Variants in RTL4 observed in about 807,000 individuals in gnomAD.
RTL4 encodes the protein retrotransposon Gag-like protein 4.
A neutral mutation model predicts 5.3 loss-of-function variants in RTL4; 4 were observed. The observed-to-expected ratio is 0.75, with a 90% confidence interval of 0.37 to 1.72. RTL4 has a LOEUF of 1.72. Among genes scored for constraint, RTL4 ranks in the 40% most tolerant of loss-of-function variants. The probability of loss-of-function intolerance (pLI) is 0.04; values close to 1 mark genes in which losing one functional copy is unlikely to be tolerated. For synonymous variants in RTL4, 98 were observed against 87.3 expected, an observed-to-expected ratio of 1.12 and a Z score of -0.68; for missense variants, 260 against 227.1, an observed-to-expected ratio of 1.14 and a Z score of -0.93.
the RTL4 span, among the ~76,000 whole-genome samples, chrX:112,216,253 G>A: frequency 9.0e-6 from 1 of 111,474 alleles, no homozygotes; most frequent in African/African-American, 3.3e-5. Flanking sequence ...AGAGCTGAGT[G>A]GAAGTTTGAA....
chrX:112,349,230 A>G, the RTL4 span, among the ~76,000 whole-genome samples: 1 of 111,683 alleles, frequency 9.0e-6, no homozygotes, highest in Non-Finnish European at 1.9e-5. Context: ...TCTCCTCCCT[A>G]CAGAATGAGT....
chrX:112,169,056 CTTTCTTTCTTTCTTTTTTCTTTCTTTCT>C, the RTL4 span, among the ~76,000 whole-genome samples: 1 of 27,161 alleles, frequency 3.7e-5, no homozygotes, highest in African/African-American at 1.1e-4. Flanking sequence ...TTCTTTCTTT[CTTTCTTTCTTTCTTTTTTCTTTCTTTCT>C]TTTCTTTCTT....
chrX:112,140,676 C>T, the RTL4 span, among the ~76,000 whole-genome samples: 1 of 111,287 alleles, frequency 9.0e-6, no homozygotes, highest in East Asian at 2.8e-4. Flanking sequence ...CATGAACTAA[C>T]CAAGTCCTAA....
chrX:112,449,033 T>C, the RTL4 span, among the ~76,000 whole-genome samples: 1 of 111,961 alleles, frequency 8.9e-6, no homozygotes, highest in East Asian at 2.8e-4. Flanking sequence ...ATGACACTTT[T>C]AACTTCATAA....
chrX:112,371,154 G>A, the RTL4 span, among the ~76,000 whole-genome samples: 1 of 110,994 alleles, frequency 9.0e-6, no homozygotes, highest in Admixed American at 9.6e-5. Flanking sequence ...ACATGAAGAT[G>A]TTTCAAGGGA....
chrX:112,396,969 C>A, the RTL4 span, among the ~76,000 whole-genome samples: 1 of 111,647 alleles, frequency 9.0e-6, no homozygotes, highest in Non-Finnish European at 1.9e-5. Context: ...AGGAATATCA[C>A]AGAGGTAAAT....
the RTL4 span, among the ~76,000 whole-genome samples, chrX:112,426,134 T>C: frequency 9.0e-6 from 1 of 111,691 alleles, no homozygotes; most frequent in Non-Finnish European, 1.9e-5. Context: ...TTTAGATTCA[T>C]GATTTTTGCA....
the RTL4 span, among the ~76,000 whole-genome samples, chrX:112,099,874 C>T: frequency 4.5e-5 from 5 of 110,810 alleles, no homozygotes; most frequent in South Asian, 3.8e-4. Flanking sequence ...AGAAAATTTG[C>T]GATACATATT....
At chrX:112,444,193 G>C in the RTL4 span, among the ~76,000 whole-genome samples, 1 of 101,365 alleles carries the variant, frequency 9.9e-6, no homozygotes, top group African/African-American at 3.7e-5. Context: ...ATTTATTTAA[G>C]AGACTATTTT....
the RTL4 span, among the ~76,000 whole-genome samples, chrX:112,267,453 G>A: frequency 8.9e-6 from 1 of 111,784 alleles, no homozygotes; most frequent in Non-Finnish European, 1.9e-5. Context: ...TTCCTTCTCA[G>A]TCTCTGCTGA....
the RTL4 span, among the ~76,000 whole-genome samples, chrX:112,343,015 C>T: frequency 4.4e-4 from 49 of 111,376 alleles, no homozygotes; most frequent in African/African-American, 1.4e-3. Flanking sequence ...GCAGAAGAAT[C>T]GCTTGAACCC....
At chrX:112,122,394 C>A in the RTL4 span, among the ~76,000 whole-genome samples, 1 of 110,351 alleles carries the variant, frequency 9.1e-6, no homozygotes, top group Non-Finnish European at 1.9e-5. Flanking sequence ...CAATTGAACT[C>A]ATGGAGATTG....
At chrX:112,098,939 A>T in the RTL4 span, among the ~76,000 whole-genome samples, 1 of 112,299 alleles carries the variant, frequency 8.9e-6, no homozygotes, top group African/African-American at 3.2e-5. Context: ...CACTAGAAGA[A>T]AACCTAGGCA....
chrX:112,409,738 A>G, the RTL4 span, among the ~76,000 whole-genome samples: 1 of 109,939 alleles, frequency 9.1e-6, no homozygotes, highest in African/African-American at 3.3e-5. Flanking sequence ...AAAAAAAATT[A>G]AAAGCAATAA....
the RTL4 span, among the ~76,000 whole-genome samples, chrX:112,093,525 C>A: frequency 1.8e-5 from 2 of 111,495 alleles, no homozygotes; most frequent in African/African-American, 6.5e-5. Flanking sequence ...TCTTCCTTCC[C>A]CAAATATTTG....
chrX:112,112,455 A>G, the RTL4 span, among the ~76,000 whole-genome samples: 1 of 111,724 alleles, frequency 9.0e-6, no homozygotes, highest in South Asian at 3.7e-4. Context: ...GAACCCCCGC[A>G]ACTGTTTTAA....
At chrX:112,423,989 A>G in the RTL4 span, among the ~76,000 whole-genome samples, 1 of 110,774 alleles carries the variant, frequency 9.0e-6, no homozygotes, top group Non-Finnish European at 1.9e-5. Context: ...TCATTTTCCA[A>G]TCAGGATACT....
At chrX:112,452,806 C>T (rs761541846), upstream of RTL4, among the ~76,000 whole-genome samples, 5 of 111,291 alleles carry the variant, frequency 4.5e-5, no homozygotes, top group East Asian at 8.6e-4. Flanking sequence ...CCGAGGCAGG[C>T]GGATCACCTG....
the RTL4 span, among the ~76,000 whole-genome samples, chrX:112,229,385 A>C: frequency 8.9e-6 from 1 of 112,358 alleles, no homozygotes; most frequent in South Asian, 3.7e-4. Context: ...CAGATGAGGA[A>C]ATCGATGCAC....
Sources: gnomAD v4.1 joint callset for allele counts (sites outside exome capture counted in the v4.1 genomes callset) on GRCh38, gnomAD v4.1.1 for gene constraint, MANE v1.5 for transcripts, NCBI Gene and HGNC (gene_info 2026-07-23, HGNC 2026-07-21) for gene names.